TENM4: variants seen among roughly 807,000 people sequenced by gnomAD.
TENM4 encodes teneurin-4.
In TENM4, 82 loss-of-function variants were observed where a neutral mutation model predicts 243.3. The ratio of observed to expected loss-of-function variants is 0.34; its 90% CI spans 0.28 to 0.40. TENM4 has a LOEUF of 0.40. TENM4 is among the 10% of genes least tolerant of loss of function. TENM4 has a pLI of 1.00. For missense variants in TENM4, 3,138 were observed against 3,673.3 expected, an observed-to-expected ratio of 0.85 and a Z score of 3.77; for synonymous variants, 1,412 against 1,456.3, an observed-to-expected ratio of 0.97 and a Z score of 0.69.
chr11:78,888,573 A>G (rs1855594602), intron 9 of TENM4, among the ~76,000 whole-genome samples: 1 of 152,204 alleles, frequency 6.6e-6, no homozygotes, highest in African/African-American at 2.4e-5. Context: ...TCCATGCTTG[A>G]ACCACTTCTC....
At chr11:78,860,917 A>G (rs1222642041) in intron 10 of TENM4, among the ~76,000 whole-genome samples, 1 of 152,236 alleles carries the variant, frequency 6.6e-6, no homozygotes, top group Non-Finnish European at 1.5e-5. Context: ...CCTGTTCCTT[A>G]CAAAAACAAA....
chr11:79,235,172 G>A (rs185260715), intron 2 of TENM4, among the ~76,000 whole-genome samples: 1 of 152,250 alleles, frequency 6.6e-6, no homozygotes, highest in East Asian at 1.9e-4. Flanking sequence ...AATTAGCCAG[G>A]CGTGGTGGTG....
At chr11:78,738,706 C>T in intron 19 of TENM4, 136 bp from the exon 20 acceptor site, 6 of 816,402 alleles carry the variant, frequency 7.3e-6, no homozygotes, top group Non-Finnish European at 1.1e-5. Context: ...TCATGGTGTT[C>T]ACTCAAGATG....
intron 2 of TENM4, among the ~76,000 whole-genome samples, chr11:79,267,977 G>A (rs1162654052): frequency 6.6e-6 from 1 of 152,148 alleles, no homozygotes; most frequent in Non-Finnish European, 1.5e-5. Context: ...CCTATCAAGC[G>A]AGTGCTAGGA....
chr11:79,128,143 T>C (rs564686145), intron 4 of TENM4, among the ~76,000 whole-genome samples: 3 of 152,306 alleles, frequency 2.0e-5, no homozygotes, highest in East Asian at 1.9e-4. Context: ...ATAGGGATGA[T>C]GTTTGGAGCC....
At chr11:79,100,004 C>T (rs1861184098) in intron 4 of TENM4, among the ~76,000 whole-genome samples, 1 of 152,212 alleles carries the variant, frequency 6.6e-6, no homozygotes. Flanking sequence ...TCTGGTTGAG[C>T]ACTTTCACGC....
At chr11:78,673,727 C>T (rs761847232) in intron 30 of TENM4, among the ~76,000 whole-genome samples, 3 of 152,182 alleles carry the variant, frequency 2.0e-5, no homozygotes, top group Non-Finnish European at 2.9e-5. Context: ...GAATTATTTC[C>T]ATTAAATGAC....
At chr11:79,014,147 G>T (rs972589807) in intron 6 of TENM4, among the ~76,000 whole-genome samples, 3 of 152,202 alleles carry the variant, frequency 2.0e-5, no homozygotes, top group Non-Finnish European at 4.4e-5. Context: ...AACAAAAGAA[G>T]TGAGTGAGCC....
intron 6 of TENM4, chr11:79,064,514 C>A (rs1287162817): frequency 5.0e-6 from 3 of 600,190 alleles, no homozygotes; most frequent in South Asian, 4.0e-5. Context: ...TTAGGCGCCT[C>A]CCTAATCCGG....
At chr11:79,271,240 G>A (rs1399515589) in intron 2 of TENM4, among the ~76,000 whole-genome samples, 2 of 152,232 alleles carry the variant, frequency 1.3e-5, no homozygotes, top group Non-Finnish European at 2.9e-5. Context: ...TTCCTGAGCC[G>A]CCCGATAAAG....
intron 6 of TENM4, among the ~76,000 whole-genome samples, chr11:78,982,648 C>G (rs765138790): frequency 1.3e-5 from 2 of 152,190 alleles, no homozygotes; most frequent in Non-Finnish European, 2.9e-5. Context: ...CAATTTTCCA[C>G]CCAGCTGCAA....
At chr11:78,970,913 G>T (rs1266070848) in intron 6 of TENM4, among the ~76,000 whole-genome samples, 1 of 151,830 alleles carries the variant, frequency 6.6e-6, no homozygotes, top group Non-Finnish European at 1.5e-5. Context: ...ATTAACAACG[G>T]TTATCACTGT....
intron 1 of TENM4, among the ~76,000 whole-genome samples, chr11:79,425,864 C>T (rs1565341713): frequency 6.6e-6 from 1 of 152,168 alleles, no homozygotes; most frequent in Non-Finnish European, 1.5e-5. Flanking sequence ...GTGATGACAA[C>T]AGATCAAGAA....
chr11:78,854,866 C>G (rs1255882086), intron 11 of TENM4, among the ~76,000 whole-genome samples: 1 of 152,092 alleles, frequency 6.6e-6, no homozygotes, highest in Non-Finnish European at 1.5e-5. Context: ...TTTCAGGGAG[C>G]AAATTTAGGG....
In TENM4 at chr11:78,702,400, G is replaced by A. The variant is rs1859131090; in HGVS notation, c.4213C>T (p.His1405Tyr). 1 of 1,609,258 alleles carries A rather than the reference G, an allele frequency of 6.2e-7. No individual in the cohort carries two copies. The highest frequency in any genetic ancestry group is 1.3e-5 in the African/African-American group (1 of 75,000). The change falls in exon 28 of 34, where the codon CAC becomes TAC. Residue 1405 changes from histidine to tyrosine, a missense_variant. Physicochemically the swap from His to Tyr is moderately conservative, Grantham distance 83 (BLOSUM62 2). Around this residue, in one of 2 missense-constraint regions of TENM4, gnomAD observed 2,467 missense variants for 3,059.1 expected, o/e 0.81. Transcript: ENST00000278550. ...GCTAAGTCTGTGGGCCACTCCAGGT[G>A]AACCTGACAATGAAGACACCGATAC... ...CDSVMDISQV[H>Y]LEWPTDLAIN...
intron 1 of TENM4, among the ~76,000 whole-genome samples, chr11:79,418,083 T>C (rs1024322743): frequency 6.6e-6 from 1 of 152,202 alleles, no homozygotes; most frequent in Non-Finnish European, 1.5e-5. Flanking sequence ...TACTGCCTAA[T>C]AGAAAGCAAA....
intron 3 of TENM4, among the ~76,000 whole-genome samples, chr11:79,213,980 G>A (rs1863999116): frequency 6.8e-6 from 1 of 148,146 alleles, no homozygotes; most frequent in African/African-American, 2.5e-5. Flanking sequence ...TCCTTCTAAA[G>A]AAAGCAAAAA....
intron 12 of TENM4, among the ~76,000 whole-genome samples, chr11:78,825,353 A>G (rs891991939): frequency 5.3e-5 from 8 of 152,346 alleles, no homozygotes; most frequent in Non-Finnish European, 1.2e-4. Context: ...ATACTCAGGA[A>G]ATATTAGTTT....
At chr11:79,051,657 CCT>C (rs1470181024) in intron 6 of TENM4, among the ~76,000 whole-genome samples, 12 of 152,104 alleles carry the variant, frequency 7.9e-5, no homozygotes, top group African/African-American at 2.9e-4. Flanking sequence ...AATAACAACC[CCT>C]GTTTTTCTTC....
Sources: allele counts gnomAD v4.1 joint callset (sites outside exome capture counted in the v4.1 genomes callset), GRCh38; gene constraint gnomAD v4.1.1; regional missense constraint gnomAD v4.1.1; transcripts MANE v1.5; gene names NCBI Gene and HGNC (gene_info 2026-07-23, HGNC 2026-07-21).